Variants in BCORL1 observed in about 807,000 individuals in gnomAD.
The protein encoded by BCORL1 is BCL-6 corepressor-like protein 1.
Under a neutral mutation model 87.6 loss-of-function variants are expected in BCORL1, and 7 were observed. The ratio of observed to expected loss-of-function variants is 0.08; its 90% CI spans 0.05 to 0.15. The LOEUF is 0.15. BCORL1 is among the 10% of genes least tolerant of loss of function. The pLI, the probability that BCORL1 is intolerant of heterozygous loss-of-function variation, is 1.00. For synonymous variants in BCORL1, 591 were observed against 634.4 expected, an observed-to-expected ratio of 0.93 and a Z score of 1.03; for missense variants, 1,215 against 1,499.7, an observed-to-expected ratio of 0.81 and a Z score of 3.13.
chrX:129,987,877 G>A (rs946750865), intron 1 of BCORL1, among the ~76,000 whole-genome samples: 1 of 112,005 alleles, frequency 8.9e-6, no homozygotes, highest in Non-Finnish European at 1.9e-5. Flanking sequence ...GAAGAAATTC[G>A]AGGTCAAGTT....
rs149485792 is a variant in BCORL1, at chrX:130,056,040, C to T, written c.5262C>T (p.Pro1754=). ...CTGGAGGCTTGGACGACAGATCCCCCCCAGGCTCCTCTGAGACTGTGGAGC... is the reference window on the plus strand; with the variant it reads ...CTGGAGGCTTGGACGACAGATCCCCTCCAGGCTCCTCTGAGACTGTGGAGC... The part of the protein sequence containing the change: ...ERPGGLDDRS[P]PGSSETVELV... Residue 1754 remains proline (P), a synonymous_variant, in exon 14 of 14, where the codon CCC becomes CCT. Transcript: ENST00000540052. 1.5e-5 allele frequency: 18 copies of T among 1,210,609 alleles called. No homozygotes were observed. The highest frequency in any genetic ancestry group is 1.2e-4 in the East Asian group (4 of 33,805).
Position 130,013,108 on chromosome X carries a change from G to C in BCORL1, c.336G>C (p.Leu112Phe). The part of the protein sequence containing the change: ...AGNVAEAEGL[L>F]VPLSSPGDGL... Reference sequence around the variant, plus strand: ...ACGTGGCAGAGGCTGAGGGCCTCTTGGTGCCCCTGAGCAGCCCAGGAGACG... The same window carrying C: ...ACGTGGCAGAGGCTGAGGGCCTCTTCGTGCCCCTGAGCAGCCCAGGAGACG... Residue 112 changes from leucine (L) to phenylalanine (F), a missense_variant, in exon 4 of 14, where the codon TTG (leucine) becomes TTC (phenylalanine). Leu to Phe is a conservative substitution (Grantham distance 22). This residue lies in a region of BCORL1 where 861 missense variants were observed against 1,010.0 expected (regional missense o/e 0.85). Transcript: ENST00000540052. 1 of 1,210,297 alleles carries C rather than the reference G, an allele frequency of 8.3e-7. No individual in the cohort carries two copies. Among genetic ancestry groups the C allele is most frequent in the East Asian group, 3.0e-5 (1 of 33,796 alleles).
intron 11 of BCORL1, among the ~76,000 whole-genome samples, chrX:130,041,278 CAAAAAAA>C (rs56172113): frequency 1.8e-4 from 6 of 33,736 alleles, no homozygotes; most frequent in Non-Finnish European, 2.4e-4. Context: ...GACAGTGTCT[CAAAAAAA>C]AAAAAAAAAA....
intron 6 of BCORL1, among the ~76,000 whole-genome samples, chrX:130,024,478 C>T (rs776521174): frequency 2.3e-4 from 26 of 111,101 alleles, no homozygotes; most frequent in African/African-American, 8.2e-4. Flanking sequence ...TCTGCTTGGC[C>T]GGGGTGGCTC....
At chrX:129,999,035 T>C (rs1461403312) in intron 1 of BCORL1, among the ~76,000 whole-genome samples, 3 of 107,670 alleles carry the variant, frequency 2.8e-5, no homozygotes, top group Non-Finnish European at 5.7e-5. Context: ...TATTTTGATA[T>C]TTTAACTCGG....
rs180924366 is a variant in BCORL1, at chrX:130,041,651, G to A, written c.4840+2369G>A. Among the ~76,000 whole-genome samples, 743 of 111,076 alleles carry A rather than the reference G, an allele frequency of 6.7e-3. 5 individuals are homozygous for A. Among genetic ancestry groups the A allele is most frequent in the African/African-American group, 0.022 (683 of 30,578 alleles). On this transcript the variant is annotated intron_variant, in intron 11 of 13. Transcript: ENST00000540052. ...AGAAGACTTTTATTTTTTTTAGGCG[G>A]AGTCTTGCTCTGTCGCCAAGGCTCG...
intron 2 of BCORL1, among the ~76,000 whole-genome samples, chrX:130,011,102 G>C (rs77637312): frequency 1.8e-3 from 189 of 105,581 alleles, no homozygotes; most frequent in African/African-American, 6.2e-3. Context: ...GGGGCACACA[G>C]AGCAGTCCTG....
At chrX:130,047,766 A>G (rs769602552) in intron 11 of BCORL1, among the ~76,000 whole-genome samples, 124 of 111,309 alleles carry the variant, frequency 1.1e-3, no homozygotes, top group African/African-American at 3.8e-3. Flanking sequence ...CTCTCCATAT[A>G]TTTATTAAGC....
At position 130,025,360 on chromosome X, in the gene BCORL1, G is replaced by A; in HGVS notation, c.4059G>A (p.Gln1353=). 1 of 1,150,962 alleles carries A rather than the reference G, an allele frequency of 8.7e-7. No individual in the cohort carries two copies. Among genetic ancestry groups the A allele is most frequent in the Non-Finnish European group, 1.2e-6 (1 of 867,031 alleles). 94.9% of individuals were successfully genotyped at this position (1,150,962 alleles called of 1,213,427 possible). ...GEYLTEQEDE[Q]RRKGRADLKA... is the part of the protein sequence containing the mutation. ...ACCTGACAGAGCAAGAAGACGAGCAGCGGCGGAAAGGGAGAGCAGGTAAGG... is the reference window on the plus strand; with the variant it reads ...ACCTGACAGAGCAAGAAGACGAGCAACGGCGGAAAGGGAGAGCAGGTAAGG... Residue 1353 remains glutamine, a synonymous_variant, in exon 7 of 14, where the codon CAG becomes CAA. Transcript: ENST00000540052.
chrX:129,985,860 C>A (rs1161441099), intron 1 of BCORL1, among the ~76,000 whole-genome samples: 1 of 102,551 alleles, frequency 9.8e-6, no homozygotes, highest in Non-Finnish European at 2.0e-5. Flanking sequence ...CTTTTCTTTT[C>A]TTTTTTTTTT....
In BCORL1 at chrX:130,006,581, A is replaced by G. The variant is rs368180756; in HGVS notation, c.86+1264A>G. Among the ~76,000 whole-genome samples, 388 of 109,944 alleles carry G rather than the reference A, an allele frequency of 3.5e-3. 2 individuals are homozygous for G. Among genetic ancestry groups the G allele is most frequent in the African/African-American group, 0.012 (361 of 30,320 alleles). ...TCACCATGTTAGCCAGGATGGTCTC[A>G]ATCTCCTGACCTCGTGATCCGCCCG... On this transcript the variant is annotated intron_variant, in intron 2 of 13. Coordinates refer to ENST00000540052, the MANE Select transcript of BCORL1 (RefSeq NM_001379451.1).
At chrX:129,997,468 G>A (rs1927649273) in intron 1 of BCORL1, among the ~76,000 whole-genome samples, 2 of 110,797 alleles carry the variant, frequency 1.8e-5, no homozygotes, top group African/African-American at 3.3e-5. Flanking sequence ...CTACCCGCTC[G>A]CCCTCAGCTT....
At chrX:130,016,641 G>A (rs1165931120) in intron 4 of BCORL1, among the ~76,000 whole-genome samples, 2 of 112,187 alleles carry the variant, frequency 1.8e-5, no homozygotes, top group Admixed American at 9.4e-5. Flanking sequence ...GGCCTCTGAC[G>A]GGGTTGTTCC....
At chrX:130,026,452 T>G (rs1930252059) in intron 7 of BCORL1, among the ~76,000 whole-genome samples, 1 of 112,808 alleles carries the variant, frequency 8.9e-6, no homozygotes, top group South Asian at 3.6e-4. Context: ...AACAATTCTC[T>G]TTCTTCTGCT....
In BCORL1 at chrX:130,051,898, C is replaced by A; in HGVS notation, c.4957C>A (p.Pro1653Thr). Reference protein sequence around the residue: ...DGFACDLLHNPPGSSDQEGDD... With the variant: ...DGFACDLLHNTPGSSDQEGDD... Reference sequence around the variant, plus strand: ...GTTTGCCTGTGACCTCCTACATAATCCTCCTGGGAGCTCAGATCAAGAAGG... The same window carrying A: ...GTTTGCCTGTGACCTCCTACATAATACTCCTGGGAGCTCAGATCAAGAAGG... The change falls in exon 13 of 14, where the codon CCT becomes ACT. Residue 1653 changes from proline to threonine, a missense_variant. Physicochemically the swap from Pro to Thr is conservative, Grantham distance 38. This residue lies in a region of BCORL1 where 129 missense variants were observed against 157.5 expected (regional missense o/e 0.82). Transcript: ENST00000540052. 1 of 1,207,412 alleles carries A rather than the reference C, an allele frequency of 8.3e-7. No individual in the cohort carries two copies. Among genetic ancestry groups the A allele is most frequent in the Non-Finnish European group, 1.1e-6 (1 of 892,914 alleles).
At chrX:130,035,947 C>A (rs1159612668) in intron 9 of BCORL1, among the ~76,000 whole-genome samples, 2 of 112,774 alleles carry the variant, frequency 1.8e-5, no homozygotes, top group Non-Finnish European at 3.8e-5. Context: ...CAGCCAGCAG[C>A]ACCCCTGACA....
At chrX:130,052,474 CGTG>C (rs1049118767) in intron 13 of BCORL1, among the ~76,000 whole-genome samples, 1 of 112,592 alleles carries the variant, frequency 8.9e-6, no homozygotes, top group African/African-American at 3.2e-5. Context: ...ATGTTAGTAG[CGTG>C]GTGCTGCCAA....
intron 1 of BCORL1, among the ~76,000 whole-genome samples, chrX:129,995,410 C>T: frequency 9.0e-6 from 1 of 111,368 alleles, no homozygotes; most frequent in East Asian, 2.8e-4. Context: ...TTCGAATACC[C>T]TTATATGTAT....
Position 130,015,306 on chromosome X carries a change from G to A in BCORL1, c.2534G>A (p.Gly845Asp). The A allele has an allele frequency of 2.5e-6, 3 of 1,211,652 alleles. No individual in the cohort carries two copies. Among genetic ancestry groups the A allele is most frequent in the Non-Finnish European group, 3.4e-6 (3 of 895,506 alleles). The part of the protein sequence containing the change: ...PYHQASLLSI[G>D]ISSAGQLTPS... ...CACCAGGCGTCTCTGCTTTCCATTGGCATTTCCAGTGCCGGGCAGCTGACC... is the reference window on the plus strand; with the variant it reads ...CACCAGGCGTCTCTGCTTTCCATTGACATTTCCAGTGCCGGGCAGCTGACC... Residue 845 changes from glycine to aspartate, a missense_variant, in exon 4 of 14, where the codon GGC (glycine) becomes GAC (aspartate). Transcript: ENST00000540052.
Sources: allele counts gnomAD v4.1 joint callset (sites outside exome capture counted in the v4.1 genomes callset), GRCh38; gene constraint gnomAD v4.1.1; regional missense constraint gnomAD v4.1.1; transcripts MANE v1.5; gene names NCBI Gene and HGNC (gene_info 2026-07-23, HGNC 2026-07-21).